Variants in LARP4 observed in about 807,000 individuals in gnomAD.
LARP4 encodes la-related protein 4.
LARP4 carries 29 observed loss-of-function variants against 92.9 expected under a neutral mutation model. The observed-to-expected ratio is 0.31, with a 90% confidence interval of 0.23 to 0.43. LARP4 has a LOEUF of 0.43. Ranked by LOEUF, LARP4 falls within the 20% of genes least tolerant of loss-of-function variation. The pLI is 1.00. For synonymous variants in LARP4, 279 were observed against 284.1 expected, an observed-to-expected ratio of 0.98 and a Z score of 0.18; for missense variants, 732 against 860.0, an observed-to-expected ratio of 0.85 and a Z score of 1.86.
intron 8 of LARP4, among the ~76,000 whole-genome samples, chr12:50,449,203 A>T (rs958243569): frequency 5.3e-5 from 8 of 152,156 alleles, no homozygotes; most frequent in African/African-American, 1.9e-4. Flanking sequence ...AGATCACACC[A>T]CTGCACCCCC....
At position 50,427,718 on chromosome 12, in the gene LARP4, G is replaced by T. The variant is rs753550142; in HGVS notation, c.19-44G>T. 3.0e-6 allele frequency: 4 copies of T among 1,331,838 alleles called. No homozygotes were observed. The South Asian group carries it at 7.8e-5, about 26-fold the overall frequency. The allele number at this position is 1,331,838 out of a possible 1,614,324, so 82.5% of individuals were successfully genotyped here. ...TTTTATCTGAATCTGTAATTTTCAT[G>T]CTCTGATTTTAAAAATTTACAAATA... is the stretch of plus-strand genomic sequence containing the variant. On this transcript the variant is annotated intron_variant, in intron 1 of 15. Coordinates refer to ENST00000398473, the MANE Select transcript of LARP4 (RefSeq NM_052879.5).
intron 13 of LARP4, among the ~76,000 whole-genome samples, chr12:50,468,570 T>TA (rs1212922603): frequency 1.3e-5 from 2 of 152,168 alleles, no homozygotes; most frequent in African/African-American, 4.8e-5. Context: ...GTGCTGGGAT[T>TA]ACAGGCATGA....
intron 4 of LARP4, among the ~76,000 whole-genome samples, chr12:50,434,357 A>T (rs1352042824): frequency 6.6e-6 from 1 of 151,500 alleles, no homozygotes; most frequent in Admixed American, 6.6e-5. Context: ...TTCTTTTTTT[A>T]ATGTACCTTA....
rs1957261388 is a variant in LARP4 at position 50,473,994 on chromosome 12, C to T, written c.1668-5C>T. ...GAGTCTAATTGCAAGCTCTTTTTTC[C>T]TTAGCACAACTCAGCAAGAAAAGGA... On this transcript the variant is annotated splice_polypyrimidine_tract_variant and splice_region_variant and intron_variant, in intron 14 of 15. Transcript: ENST00000398473. 6.2e-7 allele frequency: 1 copy of T among 1,607,622 alleles called. No homozygotes were observed. Among genetic ancestry groups the T allele is most frequent in the Non-Finnish European group, 8.5e-7 (1 of 1,178,552 alleles).
intron 1 of LARP4, among the ~76,000 whole-genome samples, chr12:50,416,739 C>T (rs1946859250): frequency 1.3e-5 from 2 of 152,146 alleles, no homozygotes; most frequent in South Asian, 4.1e-4. Context: ...AATCCCAGCA[C>T]TTTGGGAGGC....
intron 13 of LARP4, 85 bp downstream of exon 13, chr12:50,467,205 C>T: frequency 2.9e-6 from 3 of 1,024,164 alleles, no homozygotes; most frequent in Non-Finnish European, 1.4e-6. Context: ...TTTACTTGCA[C>T]TTAGTGTACA....
intron 4 of LARP4, among the ~76,000 whole-genome samples, chr12:50,433,828 C>T (rs992383284): frequency 2.7e-4 from 41 of 151,912 alleles, no homozygotes; most frequent in African/African-American, 7.5e-4. Flanking sequence ...TTAGTAGAGA[C>T]GAGGTTTTAT....
At chr12:50,462,283 C>T (rs1183531760) in intron 11 of LARP4, among the ~76,000 whole-genome samples, 2 of 152,002 alleles carry the variant, frequency 1.3e-5, no homozygotes, top group African/African-American at 4.8e-5. Context: ...AGATCGAGAC[C>T]ATCCTGGCCA....
At chr12:50,406,591 A>C (rs573086305) in intron 1 of LARP4, among the ~76,000 whole-genome samples, 6 of 152,126 alleles carry the variant, frequency 3.9e-5, no homozygotes, top group Non-Finnish European at 8.8e-5. Flanking sequence ...GGCACACCAT[A>C]GCCTCAAATT....
At chr12:50,405,009 GC>G (rs1421745247) in intron 1 of LARP4, among the ~76,000 whole-genome samples, 1 of 150,706 alleles carries the variant, frequency 6.6e-6, no homozygotes, top group African/African-American at 2.4e-5. Context: ...TTCTGCCTCA[GC>G]CTCCCTAGTA....
chr12:50,440,193 T>C (rs746938253), intron 6 of LARP4, among the ~76,000 whole-genome samples: 1 of 152,184 alleles, frequency 6.6e-6, no homozygotes, highest in African/African-American at 2.4e-5. Flanking sequence ...TCTCAGCACT[T>C]TGGAGTGCTC....
At chr12:50,443,712 A>G (rs1428621594) in intron 8 of LARP4, among the ~76,000 whole-genome samples, 4 of 152,150 alleles carry the variant, frequency 2.6e-5, no homozygotes, top group Admixed American at 6.6e-5. Flanking sequence ...CCTGGGTTCA[A>G]GCGATTCTCC....
At chr12:50,432,332 T>C (rs1949783446) in intron 4 of LARP4, among the ~76,000 whole-genome samples, 1 of 152,164 alleles carries the variant, frequency 6.6e-6, no homozygotes, top group Admixed American at 6.6e-5. Context: ...GATATGTTGA[T>C]TGCTTCAATC....
chr12:50,475,623 T>C lies in LARP4; in HGVS notation c.1934T>C (p.Val645Ala). 3.1e-6 allele frequency: 5 copies of C among 1,614,090 alleles called. No homozygotes were observed. The highest frequency in any genetic ancestry group is 4.2e-6 in the Non-Finnish European group (5 of 1,180,016). The change falls in exon 16 of 16, where the codon GTG becomes GCG. Residue 645 changes from valine (V) to alanine (A), a missense_variant. Coordinates refer to ENST00000398473, the MANE Select transcript of LARP4 (RefSeq NM_052879.5). ...CCACTACGGGAACTTCGCTCCAATG[T>C]GGTGTCTCCCACCAAAAATGAAGAC... Reference protein sequence around the residue: ...VQPLRELRSNVVSPTKNEDNG... With the variant: ...VQPLRELRSNAVSPTKNEDNG...
intron 8 of LARP4, among the ~76,000 whole-genome samples, chr12:50,447,315 G>C (rs374239044): frequency 6.6e-6 from 1 of 152,100 alleles, no homozygotes; most frequent in Admixed American, 6.6e-5. Context: ...TTATTAAAAG[G>C]GTCAGCAAAC....
Position 50,475,794 on chromosome 12 carries a change from G to A in LARP4, c.2105G>A (p.Arg702Lys), listed in dbSNP as rs1957482738. ...GAACAGAGACGCCAGTTTAGCCATA[G>A]GGCTATACCTCAGGGAGTGACTCGA... ...IREQRRQFSH[R>K]AIPQGVTRRN... The change falls in exon 16 of 16, where the codon AGG (arginine) becomes AAG (lysine). Residue 702 changes from arginine (R) to lysine (K), a missense_variant. Physicochemically the swap from Arg to Lys is conservative, Grantham distance 26. Coordinates refer to ENST00000398473, the MANE Select transcript of LARP4 (RefSeq NM_052879.5). 1 of 1,614,124 alleles carries A rather than the reference G, an allele frequency of 6.2e-7. No homozygotes were observed. The highest frequency in any genetic ancestry group is 1.3e-5 in the African/African-American group (1 of 75,032).
chr12:50,415,491 A>G (rs1592818025), intron 1 of LARP4, among the ~76,000 whole-genome samples: 1 of 152,120 alleles, frequency 6.6e-6, no homozygotes, highest in East Asian at 1.9e-4. Context: ...TAATCCTCCG[A>G]TATTTGGATA....
chr12:50,475,099 A>T (rs1278629637), intron 15 of LARP4, among the ~76,000 whole-genome samples: 1 of 152,130 alleles, frequency 6.6e-6, no homozygotes, highest in Non-Finnish European at 1.5e-5. Flanking sequence ...CACCTTTTTC[A>T]GTTGAGGTAA....
At chr12:50,454,223 A>G (rs1235171030) in intron 9 of LARP4, 91 bp from the exon 10 acceptor site, 3 of 882,274 alleles carry the variant, frequency 3.4e-6, no homozygotes, top group Non-Finnish European at 5.2e-6. Flanking sequence ...CTTGTAAAAG[A>G]TAAATTCATA....
Sources: allele counts gnomAD v4.1 joint callset (sites outside exome capture counted in the v4.1 genomes callset), GRCh38; gene constraint gnomAD v4.1.1; transcripts MANE v1.5; gene names NCBI Gene and HGNC (gene_info 2026-07-23, HGNC 2026-07-21).